Variants in ARHGEF3 observed in about 807,000 individuals in gnomAD.
ARHGEF3 encodes 59.8 kDA protein.
A neutral mutation model predicts 63.2 loss-of-function variants in ARHGEF3; 28 were observed. That is an observed-to-expected ratio of 0.44 (90% confidence interval 0.33 to 0.61). ARHGEF3 has a LOEUF of 0.61. ARHGEF3 is among the 20% of genes least tolerant of loss of function. ARHGEF3 has a pLI of 0.03. For missense variants in ARHGEF3, 533 were observed against 659.3 expected (o/e 0.81, Z 2.10); for synonymous variants, 266 against 254.2 (o/e 1.05, Z -0.44).
chr3:56,887,360 TG>T (rs1464492600), intron 3 of ARHGEF3, among the ~76,000 whole-genome samples: 1 of 152,156 alleles, frequency 6.6e-6, no homozygotes, highest in East Asian at 1.9e-4. Flanking sequence ...TCTCCTGCCT[TG>T]GGAGGCTACA....
intron 2 of ARHGEF3, among the ~76,000 whole-genome samples, chr3:57,016,800 C>T (rs2107140850): frequency 6.6e-6 from 1 of 152,120 alleles, no homozygotes; most frequent in East Asian, 1.9e-4. Context: ...TCCCCTTTTC[C>T]CTGGTGTGGG....
chr3:56,995,423 T>G (rs896852573), intron 2 of ARHGEF3, among the ~76,000 whole-genome samples: 1 of 152,204 alleles, frequency 6.6e-6, no homozygotes, highest in African/African-American at 2.4e-5. Context: ...AGAATTCATT[T>G]TAACTTTGTT....
In ARHGEF3 at chr3:56,729,297, G is replaced by C. The variant is rs115920785; in HGVS notation, c.1554C>G (p.Asn518Lys). 7.1e-5 allele frequency: 114 copies of C among 1,613,672 alleles called. No individual in the cohort carries two copies. The African/African-American group carries it at 1.2e-3, about 16-fold the overall frequency. The change falls in exon 10 of 10, where the codon AAC becomes AAG. Residue 518 changes from asparagine to lysine, a missense_variant. Asn to Lys is a moderately conservative substitution (Grantham distance 94). This residue lies in a region of ARHGEF3 where 115 missense variants were observed against 103.4 expected (regional missense o/e 1.11). Coordinates refer to ENST00000296315, the MANE Select transcript of ARHGEF3 (RefSeq NM_019555.3). ...RMEQTDSSCG[N>K]SRHGESNV is the part of the protein sequence containing the mutation. ...AGACGTTACTTTCACCGTGCCTGCT[G>C]TTTCCACAGGAAGAGTCTGTCTGTT...
chr3:57,068,919 A>ATTTTTTTTTTT (rs35984791), intron 1 of ARHGEF3, among the ~76,000 whole-genome samples: 1 of 138,270 alleles, frequency 7.2e-6, no homozygotes, highest in Non-Finnish European at 1.6e-5. Context: ...AAAAGATCTG[A>ATTTTTTTTTTT]TTTTTTTTTT....
intron 4 of ARHGEF3, among the ~76,000 whole-genome samples, chr3:56,872,404 T>C (rs2040457613): frequency 6.6e-6 from 1 of 152,244 alleles, no homozygotes; most frequent in Admixed American, 6.5e-5. Context: ...ACACTTATAT[T>C]CTGAATGCAT....
chr3:56,884,384 A>C (rs35657478), intron 3 of ARHGEF3, among the ~76,000 whole-genome samples: 52,776 of 152,158 alleles, frequency 0.35, 9,515 homozygotes, highest in Non-Finnish European at 0.4. Flanking sequence ...CAGATGGGGA[A>C]GATATTGGGG....
At chr3:56,923,295 T>TAAAA (rs771219841) in intron 3 of ARHGEF3, among the ~76,000 whole-genome samples, 16,138 of 150,962 alleles carry the variant, frequency 0.11, 1,200 homozygotes, top group East Asian at 0.25. Context: ...TTGTATAGGT[T>TAAAA]TTAATTTTTC....
At chr3:56,756,742 G>T (rs951210252) in intron 2 of ARHGEF3, among the ~76,000 whole-genome samples, 1 of 151,914 alleles carries the variant, frequency 6.6e-6, no homozygotes, top group Non-Finnish European at 1.5e-5. Context: ...GTAGAGACAG[G>T]GTTTCACCAT....
intron 2 of ARHGEF3, among the ~76,000 whole-genome samples, chr3:56,964,896 T>C (rs542343608): frequency 6.6e-5 from 10 of 152,116 alleles, no homozygotes; most frequent in Admixed American, 4.6e-4. Flanking sequence ...ATTAAATAGA[T>C]AAAACTGGCC....
rs569686043 is a variant in ARHGEF3 at position 56,759,327 on chromosome 3, G to A, written c.205-4176C>T. ...CAAGTAGCTGGGACTACAGGAGCCC[G>A]CCACCAGGCCCAGCTAATTTTTTTG... On this transcript the variant is annotated intron_variant, in intron 2 of 9. Transcript: ENST00000296315. Among the ~76,000 whole-genome samples, 21 of 152,038 alleles carry A rather than the reference G, an allele frequency of 1.4e-4. 1 individual carries two copies. The South Asian group carries it at 3.3e-3, about 24-fold the overall frequency.
At chr3:56,919,535 A>G (rs2042071787) in intron 3 of ARHGEF3, among the ~76,000 whole-genome samples, 1 of 152,204 alleles carries the variant, frequency 6.6e-6, no homozygotes, top group Non-Finnish European at 1.5e-5. Context: ...TCATTTAGCC[A>G]CCTGCCCTGT....
intron 4 of ARHGEF3, among the ~76,000 whole-genome samples, chr3:56,845,917 A>C (rs1054427159): frequency 1.3e-5 from 2 of 152,202 alleles, no homozygotes; most frequent in East Asian, 3.8e-4. Context: ...CATTCATTTT[A>C]ATTTCCCCAG....
chr3:56,971,129 T>C (rs975903880), intron 2 of ARHGEF3, among the ~76,000 whole-genome samples: 3 of 152,100 alleles, frequency 2.0e-5, no homozygotes, highest in African/African-American at 7.2e-5. Context: ...ATAATGAGAA[T>C]GAATTCATGG....
chr3:57,059,354 T>C (rs1258267404), intron 1 of ARHGEF3, among the ~76,000 whole-genome samples: 1 of 151,932 alleles, frequency 6.6e-6, no homozygotes, highest in African/African-American at 2.4e-5. Context: ...ACACATAAAA[T>C]ACACTAACAC....
At chr3:56,843,779 T>C (rs1239684429) in intron 4 of ARHGEF3, among the ~76,000 whole-genome samples, 1 of 152,200 alleles carries the variant, frequency 6.6e-6, no homozygotes, top group Non-Finnish European at 1.5e-5. Flanking sequence ...CAATGATATA[T>C]AAGAAGAAGA....
chr3:56,762,647 T>C (rs773609243), intron 2 of ARHGEF3, among the ~76,000 whole-genome samples: 1 of 152,172 alleles, frequency 6.6e-6, no homozygotes, highest in Non-Finnish European at 1.5e-5. Flanking sequence ...ACAGATAACA[T>C]GCTCCAATAA....
At chr3:56,869,274 T>C (rs189302971) in intron 4 of ARHGEF3, among the ~76,000 whole-genome samples, 2 of 152,318 alleles carry the variant, frequency 1.3e-5, no homozygotes, top group Admixed American at 1.3e-4. Flanking sequence ...AAACCTGGCA[T>C]TGTGACCACT....
At chr3:56,909,732 C>G (rs72870554) in intron 3 of ARHGEF3, among the ~76,000 whole-genome samples, 4,705 of 152,280 alleles carry the variant, frequency 0.031, 241 homozygotes, top group African/African-American at 0.11. Flanking sequence ...ACTGTTACTA[C>G]GTTTAACACC....
At chr3:56,872,918 AT>A (rs1560010822) in intron 4 of ARHGEF3, among the ~76,000 whole-genome samples, 1 of 152,250 alleles carries the variant, frequency 6.6e-6, no homozygotes, top group African/African-American at 2.4e-5. Flanking sequence ...AATAAAATCA[AT>A]AGCAACAGTA....
Sources: gnomAD v4.1 joint callset for allele counts (sites outside exome capture counted in the v4.1 genomes callset) on GRCh38, gnomAD v4.1.1 for gene constraint, gnomAD v4.1.1 regional missense constraint, MANE v1.5 for transcripts, NCBI Gene and HGNC (gene_info 2026-07-23, HGNC 2026-07-21) for gene names.